Variants in ENG observed in about 807,000 individuals in gnomAD.
ENG encodes the protein CD105 antigen.
ENG carries 17 observed loss-of-function variants against 71.0 expected under a neutral mutation model. That is an observed-to-expected ratio of 0.24 (90% CI 0.16 to 0.36). The LOEUF (loss-of-function observed/expected upper bound fraction) is 0.36, where lower values mean the gene tolerates loss of function less well. ENG is among the 10% of genes least tolerant of loss of function. The probability of loss-of-function intolerance (pLI) is 1.00; values close to 1 mark genes in which losing one functional copy is unlikely to be tolerated. For synonymous variants in ENG, 360 were observed against 366.9 expected (o/e 0.98, Z 0.21); for missense variants, 749 against 868.3 (o/e 0.86, Z 1.73).
At chr9:127,841,839 C>T (rs1831037955) in intron 2 of ENG, among the ~76,000 whole-genome samples, 1 of 152,200 alleles carries the variant, frequency 6.6e-6, no homozygotes, top group African/African-American at 2.4e-5. Context: ...TCTGGCATCC[C>T]CAGGGATCTG....
chr9:127,816,712 G>C, intron 13 of ENG: 1 of 279,410 alleles, frequency 3.6e-6, no homozygotes, highest in Non-Finnish European at 7.0e-6. Context: ...GGACTCTTCT[G>C]CCTGGTGTGG....
At chr9:127,815,896 G>T in intron 14 of ENG, 47 bp downstream of exon 14, 1 of 1,572,440 alleles carries the variant, frequency 6.4e-7, no homozygotes, top group African/African-American at 1.3e-5. Context: ...TCCCCCGGGT[G>T]GATGGAGGGG....
chr9:127,841,609 T>A (rs537830267), intron 2 of ENG, among the ~76,000 whole-genome samples: 1 of 152,188 alleles, frequency 6.6e-6, no homozygotes, highest in African/African-American at 2.4e-5. Flanking sequence ...GGGAGCAGGG[T>A]CCCCCGATAT....
chr9:127,820,967 G>T (rs1830454993), intron 8 of ENG, among the ~76,000 whole-genome samples: 1 of 152,220 alleles, frequency 6.6e-6, no homozygotes, highest in Admixed American at 6.5e-5. Context: ...TAAAGAGCCA[G>T]ATAGTAAATA....
chr9:127,845,483 G>A (rs1172889465), intron 1 of ENG, among the ~76,000 whole-genome samples: 1 of 152,212 alleles, frequency 6.6e-6, no homozygotes, highest in East Asian at 1.9e-4. Flanking sequence ...ACTCTGGAGT[G>A]CCTGGACATA....
At position 127,818,823 on chromosome 9, in the gene ENG, G is replaced by A; in HGVS notation, c.1321C>T (p.His441Tyr). 1.2e-6 allele frequency: 2 copies of A among 1,614,016 alleles called. No homozygotes were observed. The highest frequency in any genetic ancestry group is 8.5e-7 in the Non-Finnish European group (1 of 1,179,944). Residue 441 changes from histidine to tyrosine, a missense_variant, in exon 11 of 15, where the codon CAC becomes TAC. Coordinates refer to ENST00000373203, the MANE Select transcript of ENG (RefSeq NM_001114753.3). The stretch of plus-strand genomic sequence containing the variant: ...GAGAGGCTGTCCATGTTGAGGCAGT[G>A]CACCTTTTTCTGGGGGAGGACGGGA... ...SSSSPQRKKV[H>Y]CLNMDSLSFQ...
chr9:127,853,287 C>G (rs1177479948), intron 1 of ENG, among the ~76,000 whole-genome samples: 1 of 152,112 alleles, frequency 6.6e-6, no homozygotes. Context: ...GGCTGCCCCA[C>G]CGCTGTTTTC....
intron 13 of ENG, chr9:127,816,516 G>A (rs1376449753): frequency 3.6e-6 from 1 of 278,358 alleles, no homozygotes; most frequent in Non-Finnish European, 7.1e-6. Flanking sequence ...CCACATTCCT[G>A]ACTCCTGTGT....
intron 12 of ENG, 114 bp downstream of exon 12, chr9:127,818,006 G>T: frequency 6.4e-7 from 1 of 1,556,948 alleles, no homozygotes; most frequent in Non-Finnish European, 8.8e-7. Context: ...CCTGATTAAG[G>T]CTCCGCCCCT....
intron 2 of ENG, among the ~76,000 whole-genome samples, chr9:127,831,595 T>C (rs1830767474): frequency 6.6e-6 from 1 of 150,704 alleles, no homozygotes. Flanking sequence ...ACCATGTTGG[T>C]CAGGCTGGTC....
At chr9:127,847,657 G>T (rs1007756714) in intron 1 of ENG, among the ~76,000 whole-genome samples, 1 of 151,896 alleles carries the variant, frequency 6.6e-6, no homozygotes, top group Non-Finnish European at 1.5e-5. Context: ...GCCGTATTGC[G>T]CAGGCTGGTC....
chr9:127,846,241 C>T lies in ENG; in HGVS notation c.68-2996G>A, dbSNP rs1055733675. ...CCCACCAGCCCCCATGTTCTCCCCA[C>T]CCTCTCCTTTCCTCATCGGTGAGCG... On this transcript the variant is annotated intron_variant, in intron 1 of 14. Coordinates refer to ENST00000373203, the MANE Select transcript of ENG (RefSeq NM_001114753.3). The surrounding 1 kb of genome is among the most constrained non-coding windows in gnomAD (Gnocchi z 5.5). Among the ~76,000 whole-genome samples the T allele has an allele frequency of 2.0e-5, 3 of 152,176 alleles. No individual in the cohort carries two copies. The highest frequency in any genetic ancestry group is 7.2e-5 in the African/African-American group (3 of 41,456).
chr9:127,820,836 A>AT (rs1446788179), intron 8 of ENG, among the ~76,000 whole-genome samples: 7 of 151,504 alleles, frequency 4.6e-5, no homozygotes, highest in East Asian at 4.0e-4. Context: ...CTCAAAAAAA[A>AT]AAAATATATA....
At chr9:127,853,390 TG>T (rs1829080089) in intron 1 of ENG, among the ~76,000 whole-genome samples, 1 of 152,192 alleles carries the variant, frequency 6.6e-6, no homozygotes, top group Non-Finnish European at 1.5e-5. Flanking sequence ...GGTCAAAGGA[TG>T]TCCACAGGAC....
chr9:127,829,535 C>T (rs1830707679), intron 3 of ENG, 152 bp downstream of exon 3: 1 of 1,085,706 alleles, frequency 9.2e-7, no homozygotes, highest in Non-Finnish European at 1.3e-6. Flanking sequence ...AGACCATTGG[C>T]TTCACCAGGC....
At chr9:127,829,528 C>A (rs781029368) in intron 3 of ENG, among the ~76,000 whole-genome samples, 159 bp downstream of exon 3, 7 of 152,054 alleles carry the variant, frequency 4.6e-5, no homozygotes, top group Non-Finnish European at 8.8e-5. Context: ...CTGGTAGAGA[C>A]CATTGGCTTC....
At position 127,846,489 on chromosome 9, in the gene ENG, C is replaced by T. The variant is rs889799826; in HGVS notation, c.68-3244G>A. Among the ~76,000 whole-genome samples, 8 of 152,190 alleles carry T rather than the reference C, an allele frequency of 5.3e-5. No homozygotes were observed. The East Asian group carries it at 1.5e-3, about 29-fold the overall frequency. ...TGCCCCCTCCCCAGACTTCCAGGAACCCCAGTTCCTCCCGGATTGCTGGGG... is the reference window on the plus strand; with the variant it reads ...TGCCCCCTCCCCAGACTTCCAGGAATCCCAGTTCCTCCCGGATTGCTGGGG... On this transcript the variant is annotated intron_variant, in intron 1 of 14. Coordinates refer to ENST00000373203, the MANE Select transcript of ENG (RefSeq NM_001114753.3). This position sits in a 1 kb window ranked among gnomAD's most constrained non-coding sequence, Gnocchi z 5.5.
intron 1 of ENG, among the ~76,000 whole-genome samples, chr9:127,845,331 G>A (rs1831143200): frequency 6.6e-6 from 1 of 152,368 alleles, no homozygotes; most frequent in African/African-American, 2.4e-5. Flanking sequence ...AGCAAAGGAA[G>A]TGAGATGGTC....
rs1039757726 is a variant in ENG at position 127,825,955 on chromosome 9, G to C, written c.524-95C>G. 107 of 1,494,368 alleles carry C rather than the reference G, an allele frequency of 7.2e-5. No individual in the cohort carries two copies. The African/African-American group carries it at 1.4e-3, about 19-fold the overall frequency. The allele number at this position is 1,494,368 out of a possible 1,614,324, so 92.6% of individuals were successfully genotyped here. A position where few individuals can be genotyped will look rare whatever the true frequency, so the allele number is the denominator to read the frequency against. The stretch of plus-strand genomic sequence containing the variant: ...CACAGCCAAAGATAGTGGTGGGGCA[G>C]GCAGGACGGTGCTGCAGAGGGGGAG... On this transcript the variant is annotated intron_variant, in intron 4 of 14. Coordinates refer to ENST00000373203, the MANE Select transcript of ENG (RefSeq NM_001114753.3).
Sources: allele counts gnomAD v4.1 joint callset (sites outside exome capture counted in the v4.1 genomes callset), GRCh38; gene constraint gnomAD v4.1.1; non-coding constraint Gnocchi (gnomAD v3.1); transcripts MANE v1.5; gene names NCBI Gene and HGNC (gene_info 2026-07-23, HGNC 2026-07-21).